GRAMD4: variants seen among roughly 807,000 people sequenced by gnomAD.
GRAMD4 encodes the protein GRAM domain containing 4.
Under a neutral mutation model 83.9 loss-of-function variants are expected in GRAMD4, and 25 were observed. That is an observed-to-expected ratio of 0.30 (90% CI 0.22 to 0.42). GRAMD4 has a LOEUF of 0.42. GRAMD4 is among the 10% of genes least tolerant of loss of function. GRAMD4 has a pLI of 1.00. For synonymous variants in GRAMD4, 336 were observed against 320.9 expected (o/e 1.05, Z -0.50); for missense variants, 593 against 788.7 (o/e 0.75, Z 2.97).
intron 3 of GRAMD4, among the ~76,000 whole-genome samples, chr22:46,639,153 A>T (rs867809214): frequency 1.3e-5 from 2 of 149,618 alleles, no homozygotes; most frequent in Admixed American, 6.6e-5. Flanking sequence ...TGTGTGCGTG[A>T]GTGTGTGTGT....
At chr22:46,606,774 C>T (rs1032977147) in intron 1 of GRAMD4, among the ~76,000 whole-genome samples, 15 of 152,266 alleles carry the variant, frequency 9.9e-5, no homozygotes, top group Non-Finnish European at 1.8e-4. Context: ...GCCGATTGGA[C>T]GGGCACTCGG....
upstream of GRAMD4, chr22:46,620,295 G>C (rs2081554738): frequency 1.0e-6 from 1 of 985,312 alleles, no homozygotes; most frequent in Non-Finnish European, 1.2e-6. This position sits in a 1 kb window ranked among gnomAD's most constrained non-coding sequence, Gnocchi z 4.7. Context: ...CTTGCAGAGA[G>C]GGCCTGGAGC....
At chr22:46,681,301 G>A (rs1282267096), downstream of GRAMD4, among the ~76,000 whole-genome samples, 3 of 152,144 alleles carry the variant, frequency 2.0e-5, no homozygotes, top group African/African-American at 2.4e-5. Context: ...ACCCACCCTC[G>A]GCCCACAGGC....
chr22:46,654,764 C>T (rs745936622), intron 3 of GRAMD4, among the ~76,000 whole-genome samples: 20 of 152,236 alleles, frequency 1.3e-4, no homozygotes, highest in Non-Finnish European at 2.1e-4. Context: ...GCTGGTTTCT[C>T]CTTGGGCCAG....
At chr22:46,599,267 G>A (rs937699203) in intron 1 of GRAMD4, among the ~76,000 whole-genome samples, 3 of 152,094 alleles carry the variant, frequency 2.0e-5, no homozygotes, top group Non-Finnish European at 2.9e-5. Context: ...CAGATGGCTC[G>A]TGATTTTTCA....
chr22:46,620,166 C>T (rs370140570), upstream of GRAMD4: 71 of 225,406 alleles, frequency 3.1e-4, no homozygotes, highest in African/African-American at 1.9e-4. The surrounding 1 kb of genome is among the most constrained non-coding windows in gnomAD (Gnocchi z 4.7). Flanking sequence ...AAGTCCTTTG[C>T]GGTTTCTGAG....
chr22:46,678,345 C>G lies in GRAMD4; in HGVS notation c.*1094C>G. 2 of 985,498 alleles carry G rather than the reference C, an allele frequency of 2.0e-6. No individual in the cohort carries two copies. The highest frequency in any genetic ancestry group is 2.4e-6 in the Non-Finnish European group (2 of 829,966). 61.0% of individuals were successfully genotyped at this position (985,498 alleles called of 1,614,324 possible). The stretch of plus-strand genomic sequence containing the variant: ...TGCACTGCCTGCAGCCGACATGCGA[C>G]AGCGTTCCCTCCCCCGCGTGCCTAG... On this transcript the variant is annotated 3_prime_UTR_variant, in exon 19 of 19. Transcript: ENST00000406902.
chr22:46,583,115 A>T (rs2081114278), intron 1 of GRAMD4, among the ~76,000 whole-genome samples: 2 of 152,074 alleles, frequency 1.3e-5, no homozygotes, highest in South Asian at 4.1e-4. Flanking sequence ...GTAGAGATGG[A>T]GTTTCACCAT....
At chr22:46,654,060 TC>T (rs2082206262) in intron 3 of GRAMD4, among the ~76,000 whole-genome samples, 1 of 152,120 alleles carries the variant, frequency 6.6e-6, no homozygotes, top group Non-Finnish European at 1.5e-5. Flanking sequence ...GGCATTTGGT[TC>T]CTTCCTTCGC....
intron 1 of GRAMD4, among the ~76,000 whole-genome samples, chr22:46,578,261 TC>T (rs1169917603): frequency 1.3e-5 from 2 of 152,044 alleles, no homozygotes; most frequent in Non-Finnish European, 2.9e-5. Flanking sequence ...GGTGCCTGAG[TC>T]CCAGCCCAGT....
chr22:46,637,410 G>A (rs111357235), intron 2 of GRAMD4, among the ~76,000 whole-genome samples: 6,310 of 152,128 alleles, frequency 0.041, 207 homozygotes, highest in African/African-American at 0.086. Context: ...CCGCCACTGC[G>A]CCTGGCTAAT....
At chr22:46,582,742 A>AT (rs2081110344) in intron 1 of GRAMD4, among the ~76,000 whole-genome samples, 2 of 152,094 alleles carry the variant, frequency 1.3e-5, no homozygotes, top group Admixed American at 6.6e-5. Context: ...CAGCGTCTTT[A>AT]TTGAGGTGTA....
chr22:46,656,414 A>G (rs1601647537), intron 3 of GRAMD4, among the ~76,000 whole-genome samples: 1 of 152,050 alleles, frequency 6.6e-6, no homozygotes, highest in African/African-American at 2.4e-5. Context: ...ACCCTAGTCC[A>G]CCCGCGGCTG....
chr22:46,680,536 C>T (rs2082655309), downstream of GRAMD4, among the ~76,000 whole-genome samples: 1 of 120,922 alleles, frequency 8.3e-6, no homozygotes, highest in Admixed American at 8.6e-5. Flanking sequence ...ATCCATTCAT[C>T]CACATCTGTC....
At chr22:46,578,017 C>T (rs1302397387) in intron 1 of GRAMD4, among the ~76,000 whole-genome samples, 1 of 152,174 alleles carries the variant, frequency 6.6e-6, no homozygotes, top group African/African-American at 2.4e-5. Flanking sequence ...GGGCTGGTGC[C>T]CCTGCCCTGT....
chr22:46,668,666 AT>A, intron 11 of GRAMD4, 22 bp from the exon 12 acceptor site: 4 of 1,609,894 alleles, frequency 2.5e-6, no homozygotes, highest in Non-Finnish European at 3.4e-6. Context: ...GGCTGTTGTA[AT>A]TGCTGTTTCT....
intron 2 of GRAMD4, among the ~76,000 whole-genome samples, chr22:46,627,730 C>T (rs1210895013): frequency 1.3e-5 from 2 of 152,238 alleles, no homozygotes; most frequent in African/African-American, 4.8e-5. Context: ...CTGGGAGCGC[C>T]GGCCTTCCCT....
rs1372767765 is a variant in GRAMD4 at position 46,626,735 on chromosome 22, C to T, written c.-49-16C>T. ...GAGGTGGCGAGCGGGAGAGTGACCA[C>T]GCCCCTCTCTTGCAGGGAACCCGAG... On this transcript the variant is annotated splice_polypyrimidine_tract_variant and intron_variant, in intron 1 of 18. Coordinates refer to ENST00000406902, the MANE Select transcript of GRAMD4 (RefSeq NM_015124.5). 4.6e-6 allele frequency: 7 copies of T among 1,525,962 alleles called. No homozygotes were observed. Among genetic ancestry groups the T allele is most frequent in the African/African-American group, 1.4e-5 (1 of 73,296 alleles). The allele number at this position is 1,525,962 out of a possible 1,614,324, so 94.5% of individuals were successfully genotyped here.
intron 1 of GRAMD4, among the ~76,000 whole-genome samples, chr22:46,625,211 C>G (rs931520666): frequency 1.3e-5 from 2 of 152,194 alleles, no homozygotes; most frequent in Non-Finnish European, 2.9e-5. Context: ...AGTGCCCATC[C>G]CAGGAGAGCC....
Sources: gnomAD v4.1 joint callset for allele counts (sites outside exome capture counted in the v4.1 genomes callset) on GRCh38, gnomAD v4.1.1 for gene constraint, Gnocchi (gnomAD v3.1) non-coding constraint, MANE v1.5 for transcripts, NCBI Gene and HGNC (gene_info 2026-07-23, HGNC 2026-07-21) for gene names.